ERCC6: variants seen among roughly 807,000 people sequenced by gnomAD.
ERCC6 encodes DNA excision repair protein ERCC-6.
A neutral mutation model predicts 158.7 loss-of-function variants in ERCC6; 116 were observed. The ratio of observed to expected loss-of-function variants is 0.73; its 90% CI spans 0.63 to 0.85. ERCC6 has a LOEUF of 0.85. ERCC6 is among the 40% of genes least tolerant of loss of function. The probability of loss-of-function intolerance (pLI) is 0.00; values close to 1 mark genes in which losing one functional copy is unlikely to be tolerated. For synonymous variants in ERCC6, 678 were observed against 659.3 expected, an observed-to-expected ratio of 1.03 and a Z score of -0.43; for missense variants, 1,698 against 1,799.4, an observed-to-expected ratio of 0.94 and a Z score of 1.02.
At position 49,472,977 on chromosome 10, in the gene ERCC6, C is replaced by G; in HGVS notation, c.2761G>C (p.Val921Leu). The change falls in exon 15 of 21, where the codon GTC becomes CTC. Residue 921 changes from valine (V) to leucine (L), a missense_variant. Val to Leu is a conservative substitution (Grantham distance 32). Coordinates refer to ENST00000355832, the MANE Select transcript of ERCC6 (RefSeq NM_000124.4). ...LLTTRVGGLG[V>L]NLTGANRVVI... is the part of the protein sequence containing the mutation. ...ACTCTGTTTGCCCCCGTCAGGTTGA[C>G]ACCTAAGCCGCCCACCCGCGTGGTC... 6.2e-7 allele frequency: 1 copy of G among 1,614,158 alleles called. No individual in the cohort carries two copies. The highest frequency in any genetic ancestry group is 8.5e-7 in the Non-Finnish European group (1 of 1,180,028).
At chr10:49,472,749 G>A in intron 15 of ERCC6, 160 bp downstream of exon 15, 1 of 874,862 alleles carries the variant, frequency 1.1e-6, no homozygotes, top group South Asian at 1.8e-5. Flanking sequence ...CTGTCCATTT[G>A]ACTCTGAAGG....
At chr10:49,496,578 C>T (rs539341530) in intron 7 of ERCC6, among the ~76,000 whole-genome samples, 42 of 152,214 alleles carry the variant, frequency 2.8e-4, no homozygotes, top group African/African-American at 8.9e-4. Flanking sequence ...GAGGCCGAGG[C>T]GGGTGGATCA....
At position 49,458,975 on chromosome 10, in the gene ERCC6, G is replaced by A. The variant is rs4253230; in HGVS notation, c.4322C>T (p.Thr1441Ile). The A allele has an allele frequency of 4.0e-3, 6,465 of 1,614,198 alleles. 226 individuals carry two copies. The African/African-American group carries it at 0.074, about 18-fold the overall frequency. ...MRNFIAFQAH[T>I]DGQASTREIL... ...CTCCCTGGTGCTGGCCTGGCCATCA[G>A]TGTGGGCCTGGAAAGCGATGAAGTT... Residue 1441 changes from threonine (T) to isoleucine (I), a missense_variant, in exon 21 of 21, where the codon ACT becomes ATT. By Grantham distance (89) the Thr-to-Ile change is moderately conservative. Transcript: ENST00000355832.
In ERCC6 at chr10:49,524,129, G is replaced by C; in HGVS notation, c.1301C>G (p.Ala434Gly). 6.2e-7 allele frequency: 1 copy of C among 1,613,918 alleles called. No homozygotes were observed. Residue 434 changes from alanine (A) to glycine (G), a missense_variant, in exon 5 of 21, where the codon GCT becomes GGT. Physicochemically the swap from Ala to Gly is moderately conservative, Grantham distance 60 (BLOSUM62 0). Transcript: ENST00000355832. ...DDFFPSSGEEAEAASVGEGGG... is the reference protein window; with the variant it reads ...DDFFPSSGEEGEAASVGEGGG... Reference sequence around the variant, plus strand: ...TCCTTCTCCTACAGAAGCAGCTTCAGCTTCTTCCCCAGAACTTGGGAAAAA... The same window carrying C: ...TCCTTCTCCTACAGAAGCAGCTTCACCTTCTTCCCCAGAACTTGGGAAAAA...
At chr10:49,516,737 A>G (rs144860762) in intron 5 of ERCC6, 33 of 1,613,932 alleles carry the variant, frequency 2.0e-5, no homozygotes, top group Non-Finnish European at 2.3e-5. Context: ...CTGTAACTCT[A>G]CCTGCTACGG....
At chr10:49,473,927 A>G in intron 13 of ERCC6, 100 bp downstream of exon 13, 1 of 1,085,710 alleles carries the variant, frequency 9.2e-7, no homozygotes, top group Middle Eastern at 2.1e-4. Context: ...TCAGTGGTAG[A>G]CTTGCTTCAG....
At chr10:49,463,852 C>T (rs780562398) in intron 18 of ERCC6, among the ~76,000 whole-genome samples, 1 of 152,208 alleles carries the variant, frequency 6.6e-6, no homozygotes, top group South Asian at 2.1e-4. Flanking sequence ...ACTGTGAGGC[C>T]TCCACAGCCA....
At chr10:49,475,864 T>G (rs1225468684) in intron 12 of ERCC6, among the ~76,000 whole-genome samples, 2 of 152,142 alleles carry the variant, frequency 1.3e-5, no homozygotes, top group African/African-American at 4.8e-5. Flanking sequence ...GATATATAAT[T>G]CTGGTCATAA....
rs1264211034 is a variant in ERCC6 at position 49,459,052 on chromosome 10, A to G, written c.4245T>C (p.Ala1415=). The part of the protein sequence containing the change: ...LESESGHLQE[A]SALLPTTEHD... ...GTTCTGTGGTGGGCAGCAGGGCAGA[A>G]GCTTCCTGCAGGTGCCCGCTTTCAC... Residue 1415 remains alanine, a synonymous_variant, in exon 21 of 21, where the codon GCT becomes GCC. Transcript: ENST00000355832. 1 of 1,614,074 alleles carries G rather than the reference A, an allele frequency of 6.2e-7. No homozygotes were observed. The highest frequency in any genetic ancestry group is 1.3e-5 in the African/African-American group (1 of 74,916).
intron 18 of ERCC6, among the ~76,000 whole-genome samples, chr10:49,464,863 C>A (rs1850646402): frequency 6.6e-6 from 1 of 152,236 alleles, no homozygotes; most frequent in African/African-American, 2.4e-5. Context: ...CTCCTAGATG[C>A]CCAGGCAGAA....
At position 49,500,706 on chromosome 10, in the gene ERCC6, C is replaced by T. The variant is rs2132575297; in HGVS notation, c.1527-10G>A. 1.9e-6 allele frequency: 3 copies of T among 1,613,236 alleles called. No homozygotes were observed. The highest frequency in any genetic ancestry group is 2.5e-6 in the Non-Finnish European group (3 of 1,179,756). ...ACCTGTCTGCTGGTACCTATGACAA[C>T]AAACACCAACAAGAAAAGAGAAAAT... is the stretch of plus-strand genomic sequence containing the variant. On this transcript the variant is annotated splice_polypyrimidine_tract_variant and intron_variant, in intron 6 of 20. Coordinates refer to ENST00000355832, the MANE Select transcript of ERCC6 (RefSeq NM_000124.4).
intron 7 of ERCC6, among the ~76,000 whole-genome samples, chr10:49,498,306 TG>T (rs1332122231): frequency 1.3e-5 from 2 of 152,196 alleles, no homozygotes; most frequent in African/African-American, 4.8e-5. Flanking sequence ...CTCTACAGTT[TG>T]TAAGAGTTCA....
chr10:49,515,913 T>C, intron 5 of ERCC6: 1 of 1,614,240 alleles, frequency 6.2e-7, no homozygotes, highest in Non-Finnish European at 8.5e-7. Flanking sequence ...ATCAATTCGA[T>C]AATCAAATGT....
At chr10:49,517,888 C>T (rs914341827) in intron 5 of ERCC6, among the ~76,000 whole-genome samples, 2 of 152,168 alleles carry the variant, frequency 1.3e-5, no homozygotes, top group Non-Finnish European at 2.9e-5. Context: ...ATGTTAAGAA[C>T]ATTCTTAAAA....
chr10:49,501,551 A>G (rs1341879066), intron 6 of ERCC6: 1 of 152,200 alleles, frequency 6.6e-6, no homozygotes, highest in African/African-American at 2.4e-5. Flanking sequence ...AAAGTTAAAA[A>G]AGGAAAAATA....
At chr10:49,438,026 T>C in the ERCC6 span, among the ~76,000 whole-genome samples, 1 of 152,154 alleles carries the variant, frequency 6.6e-6, no homozygotes, top group Non-Finnish European at 1.5e-5. Context: ...TTGTTTTTTG[T>C]TTGTATTATA....
rs57460451 is a variant in ERCC6 at position 49,467,283 on chromosome 10, C to T, written c.3778+2899G>A. On this transcript the variant is annotated intron_variant, in intron 18 of 20. Transcript: ENST00000355832. Reference sequence around the variant, plus strand: ...AAAAAGCTATATCACAAGGAAAGCGCATGCAACTGCCAAACTGTTTTCCAA... The same window carrying T: ...AAAAAGCTATATCACAAGGAAAGCGTATGCAACTGCCAAACTGTTTTCCAA... Among the ~76,000 whole-genome samples the T allele has an allele frequency of 3.4e-3, 512 of 152,318 alleles. 2 individuals are homozygous for T. Among genetic ancestry groups the T allele is most frequent in the African/African-American group, 0.012 (488 of 41,562 alleles).
In ERCC6 at chr10:49,470,974, C is replaced by T. The variant is rs748423645; in HGVS notation, c.3070+1G>A. On this transcript the variant is annotated splice_donor_variant, in intron 17 of 20. Transcript: ENST00000355832. LOFTEE classifies it high-confidence loss of function. The stretch of plus-strand genomic sequence containing the variant: ...TTAAATTAAATGATTTTATGTAATA[C>T]CTGCAAAAATTGCACTTGTTTCAGT... 6.2e-7 allele frequency: 1 copy of T among 1,613,862 alleles called. No individual in the cohort carries two copies. Among genetic ancestry groups the T allele is most frequent in the Non-Finnish European group, 8.5e-7 (1 of 1,179,984 alleles).
At chr10:49,450,884 T>C (rs1257835772), downstream of ERCC6, among the ~76,000 whole-genome samples, 1 of 152,006 alleles carries the variant, frequency 6.6e-6, no homozygotes, top group Non-Finnish European at 1.5e-5. Flanking sequence ...CAATCTTGGC[T>C]CACTGCAAGC....
Sources: gnomAD v4.1 joint callset for allele counts (sites outside exome capture counted in the v4.1 genomes callset) on GRCh38, gnomAD v4.1.1 for gene constraint, MANE v1.5 for transcripts, NCBI Gene and HGNC (gene_info 2026-07-23, HGNC 2026-07-21) for gene names.